MMP1: variants seen among roughly 807,000 people sequenced by gnomAD.
The protein encoded by MMP1 is matrix metallopeptidase 1, also known as interstitial collagenase.
Under a neutral mutation model 49.6 loss-of-function variants are expected in MMP1, and 51 were observed. The ratio of observed to expected loss-of-function variants is 1.03; its 90% CI spans 0.82 to 1.30. The LOEUF is 1.30. Ranked by LOEUF, MMP1 falls within the 50% of genes most tolerant of loss-of-function variation. MMP1 has a pLI of 0.00. For synonymous variants in MMP1, 230 were observed against 196.8 expected, an observed-to-expected ratio of 1.17 and a Z score of -1.41; for missense variants, 623 against 568.7, an observed-to-expected ratio of 1.10 and a Z score of -0.97.
At chr11:102,797,890 C>G (rs1413638389) in intron 1 of MMP1, 98 bp downstream of exon 1, 1 of 886,132 alleles carries the variant, frequency 1.1e-6, no homozygotes, top group Non-Finnish European at 1.7e-6. Flanking sequence ...AAAAAAATCT[C>G]TTTATAAGAA....
intron 8 of MMP1, 116 bp from the exon 9 acceptor site, chr11:102,790,922 T>C (rs1858011256): frequency 4.4e-6 from 3 of 684,216 alleles, no homozygotes; most frequent in Admixed American, 2.5e-5. Context: ...TTATAGATCA[T>C]TTGTGAAATG....
At chr11:102,792,811 CCTT>C (rs1858071198) in intron 6 of MMP1, 73 bp from the exon 7 acceptor site, 4 of 1,407,192 alleles carry the variant, frequency 2.8e-6, no homozygotes, top group South Asian at 1.2e-5. Context: ...AGCTCCAGCT[CCTT>C]CTTGTTGCTG....
intron 4 of MMP1, 147 bp from the exon 5 acceptor site, chr11:102,795,754 G>A (rs1008255340): frequency 1.2e-4 from 75 of 634,322 alleles, no homozygotes; most frequent in Admixed American, 5.5e-4. Flanking sequence ...TCTTTTTTCC[G>A]AAGGCAGAAG....
In MMP1 at chr11:102,798,117, T is replaced by C. The variant is rs1486649186; in HGVS notation, c.-25A>G. 9 of 1,587,650 alleles carry C rather than the reference T, an allele frequency of 5.7e-6. No individual in the cohort carries two copies. Among genetic ancestry groups the C allele is most frequent in the African/African-American group, 1.3e-5 (1 of 74,530 alleles). On this transcript the variant is annotated 5_prime_UTR_variant, in exon 1 of 10. Transcript: ENST00000315274. ...TACTGGCCTTTGTCTTCTTTCTCAG[T>C]GCAAGGTAAGTGATGGCTTCCCAGC... is the stretch of plus-strand genomic sequence containing the variant.
intron 4 of MMP1, among the ~76,000 whole-genome samples, chr11:102,796,298 G>A (rs1201556217): frequency 1.3e-5 from 2 of 152,072 alleles, no homozygotes; most frequent in Admixed American, 6.6e-5. Context: ...GTTGACTGCT[G>A]GAAATTTTGG....
intron 6 of MMP1, 141 bp from the exon 7 acceptor site, chr11:102,792,879 G>T: frequency 1.3e-6 from 1 of 743,900 alleles, no homozygotes; most frequent in Non-Finnish European, 2.2e-6. Flanking sequence ...AGAAGGGTTG[G>T]TTTATAGCAT....
At chr11:102,796,434 C>T (rs1486760847) in intron 4 of MMP1, among the ~76,000 whole-genome samples, 1 of 152,134 alleles carries the variant, frequency 6.6e-6, no homozygotes, top group Non-Finnish European at 1.5e-5. Context: ...TCAAAGTTTT[C>T]AACAATTTTC....
In MMP1 at chr11:102,790,450, G is replaced by A. The variant is rs781180646; in HGVS notation, c.1372C>T (p.Gln458Ter). Reference sequence around the variant, plus strand: ...CAGTTGAACCAGCTATTAGCTTTCTGGAGAGTCAAAATTCTCTTCGTTTTA... The same window carrying A: ...CAGTTGAACCAGCTATTAGCTTTCTAGAGAGTCAAAATTCTCTTCGTTTTA... Reference protein sequence around the residue: ...DPKTKRILTLQKANSWFNCRK... With the variant: ...DPKTKRILTL The change falls in exon 10 of 10, where the codon CAG becomes TAG. Residue 458 changes from glutamine (Q) to a stop codon, truncating the protein, a stop_gained. Transcript: ENST00000315274. LOFTEE classifies it high-confidence loss of function. 27 of 1,610,562 alleles carry A rather than the reference G, an allele frequency of 1.7e-5. No individual in the cohort carries two copies. Among genetic ancestry groups the A allele is most frequent in the Non-Finnish European group, 2.3e-5 (27 of 1,178,058 alleles).
rs141392515 is a variant in MMP1 at position 102,797,255 on chromosome 11, C to T, written c.350+1G>A. The T allele has an allele frequency of 4.8e-5, 77 of 1,614,070 alleles. No homozygotes were observed. In the Middle Eastern group the frequency reaches 4.9e-4, roughly 10 times the overall value. Reference sequence around the variant, plus strand: ...CTCACTCTGGCCCTCAGTCTGCCTACCTGTAGGTCAGATGTGTTTGCTCCC... The same window carrying T: ...CTCACTCTGGCCCTCAGTCTGCCTATCTGTAGGTCAGATGTGTTTGCTCCC... On this transcript the variant is annotated splice_donor_variant, in intron 2 of 9. Transcript: ENST00000315274. LOFTEE classifies it high-confidence loss of function.
In MMP1 at chr11:102,794,804, A is replaced by C. The variant is rs1239488802; in HGVS notation, c.899+370T>G. Among the ~76,000 whole-genome samples, 3 of 152,308 alleles carry C rather than the reference A, an allele frequency of 2.0e-5. No individual in the cohort carries two copies. The East Asian group carries it at 5.8e-4, about 29-fold the overall frequency. The stretch of plus-strand genomic sequence containing the variant: ...TCCAATGATACTTATCACCATAAAG[A>C]GTGGCATAATGAAAAGAGACCTGAA... On this transcript the variant is annotated intron_variant, in intron 6 of 9. Coordinates refer to ENST00000315274, the MANE Select transcript of MMP1 (RefSeq NM_002421.4). The surrounding 1 kb of genome is among the most constrained non-coding windows in gnomAD (Gnocchi z 4.3).
chr11:102,792,831 G>A, intron 6 of MMP1, 93 bp from the exon 7 acceptor site: 1 of 1,177,890 alleles, frequency 8.5e-7, no homozygotes. Context: ...GCTGGCACTA[G>A]TGGTGTGCTG....
rs757211431 is a variant in MMP1, at chr11:102,792,639, T to C, written c.999A>G (p.Glu333=). The C allele has an allele frequency of 1.5e-5, 24 of 1,613,878 alleles. No homozygotes were observed. In the East Asian group the frequency reaches 5.3e-4, roughly 36 times the overall value. The change falls in exon 7 of 10, where the codon GAA becomes GAG. Residue 333 remains glutamate, a synonymous_variant. Transcript: ENST00000315274. Reference sequence around the variant, plus strand: ...ACCGGACTTCATCTCTGTCGGCAAATTCGTAAGCAGCTTCAAGCCCATTTG... The same window carrying C: ...ACCGGACTTCATCTCTGTCGGCAAACTCGTAAGCAGCTTCAAGCCCATTTG... ...QLPNGLEAAY[E]FADRDEVRFF... is the part of the protein sequence containing the mutation.
At chr11:102,796,411 C>A (rs548077291) in intron 4 of MMP1, among the ~76,000 whole-genome samples, 1 of 152,156 alleles carries the variant, frequency 6.6e-6, no homozygotes, top group Non-Finnish European at 1.5e-5. Flanking sequence ...TGTTGATGCC[C>A]ACAATTAAAA....
intron 4 of MMP1, among the ~76,000 whole-genome samples, chr11:102,796,011 C>T (rs1591081605): frequency 6.6e-6 from 1 of 152,328 alleles, no homozygotes; most frequent in South Asian, 2.1e-4. Context: ...AGGGCAGTGG[C>T]ATGATCTTGG....
intron 4 of MMP1, among the ~76,000 whole-genome samples, chr11:102,796,386 A>G (rs1858191312): frequency 6.6e-6 from 1 of 152,236 alleles, no homozygotes. Context: ...TTTTCTTCTA[A>G]TGAAAAAGTT....
chr11:102,794,302 G>A lies in MMP1; in HGVS notation c.899+872C>T, dbSNP rs190817222. Among the ~76,000 whole-genome samples, 1 of 152,302 alleles carries A rather than the reference G, an allele frequency of 6.6e-6. No individual in the cohort carries two copies. Among genetic ancestry groups the A allele is most frequent in the African/African-American group, 2.4e-5 (1 of 41,562 alleles). On this transcript the variant is annotated intron_variant, in intron 6 of 9. Transcript: ENST00000315274. This position sits in a 1 kb window ranked among gnomAD's most constrained non-coding sequence, Gnocchi z 4.3. ...CAGCACTTGAGAGGCTGCAGAGAAT[G>A]AGCCTTTCAGGCCACCCTGAATTTC...
At chr11:102,795,131 T>A in intron 6 of MMP1, 43 bp downstream of exon 6, 1 of 1,395,746 alleles carries the variant, frequency 7.2e-7, no homozygotes, top group Non-Finnish European at 1.0e-6. Flanking sequence ...TGAATGTTGT[T>A]ATTATTACAA....
chr11:102,797,924 A>T, intron 1 of MMP1, 64 bp downstream of exon 1: 1 of 1,245,568 alleles, frequency 8.0e-7, no homozygotes, highest in Non-Finnish European at 1.1e-6. Flanking sequence ...AAACTCTATT[A>T]CATTACTGCA....
intron 8 of MMP1, 49 bp from the exon 9 acceptor site, chr11:102,790,855 A>T (rs745459828): frequency 1.0e-6 from 1 of 986,500 alleles, no homozygotes; most frequent in South Asian, 1.3e-5. Context: ...AAACATGTGC[A>T]CTCTGAAAAT....
Sources: gnomAD v4.1 joint callset for allele counts (sites outside exome capture counted in the v4.1 genomes callset) on GRCh38, gnomAD v4.1.1 for gene constraint, Gnocchi (gnomAD v3.1) non-coding constraint, MANE v1.5 for transcripts, NCBI Gene and HGNC (gene_info 2026-07-23, HGNC 2026-07-21) for gene names.